Variants in SPOCK3 observed in about 807,000 individuals in gnomAD.
SPOCK3 encodes testican-3.
A neutral mutation model predicts 56.6 loss-of-function variants in SPOCK3; 30 were observed. The ratio of observed to expected loss-of-function variants is 0.53; its 90% CI spans 0.40 to 0.72. SPOCK3 has a LOEUF of 0.72. Among genes scored for constraint, SPOCK3 ranks in the 30% least tolerant of loss-of-function variants. The probability of loss-of-function intolerance (pLI) is 0.00; values close to 1 mark genes in which losing one functional copy is unlikely to be tolerated. For synonymous variants in SPOCK3, 196 were observed against 183.3 expected (o/e 1.07, Z -0.56); for missense variants, 527 against 530.0 (o/e 0.99, Z 0.06).
intron 2 of SPOCK3, among the ~76,000 whole-genome samples, chr4:167,082,442 A>G (rs1296375997): frequency 1.3e-5 from 2 of 152,024 alleles, no homozygotes; most frequent in South Asian, 2.1e-4. Flanking sequence ...GTTTGTAAAT[A>G]AAGTTGTGTT....
chr4:167,138,701 A>G (rs1763303685), intron 2 of SPOCK3, among the ~76,000 whole-genome samples: 1 of 151,978 alleles, frequency 6.6e-6, no homozygotes, highest in African/African-American at 2.4e-5. Flanking sequence ...CACTGATAAG[A>G]AAGAGTTGTC....
Position 167,188,429 on chromosome 4 carries a change from G to T in SPOCK3, c.189+45556C>A, listed in dbSNP as rs1447170727. Among the ~76,000 whole-genome samples, 3 of 145,666 alleles carry T rather than the reference G, an allele frequency of 2.1e-5. 1 individual carries two copies. In the East Asian group the frequency reaches 6.2e-4, roughly 30 times the overall value. On this transcript the variant is annotated intron_variant, in intron 2 of 10. Transcript: ENST00000357545. ...CTAGAAATAGCCCAGATACTGGAACGATAAGAAAAAAGGTCTTTAAAATTT... is the reference window on the plus strand; with the variant it reads ...CTAGAAATAGCCCAGATACTGGAACTATAAGAAAAAAGGTCTTTAAAATTT...
chr4:167,150,431 A>G (rs947169393), intron 2 of SPOCK3, among the ~76,000 whole-genome samples: 17 of 152,164 alleles, frequency 1.1e-4, no homozygotes, highest in African/African-American at 4.1e-4. Flanking sequence ...CTTACGTACA[A>G]CCAGGAAAGG....
chr4:167,074,054 T>TAAA (rs35446801), intron 2 of SPOCK3, among the ~76,000 whole-genome samples: 3 of 139,784 alleles, frequency 2.1e-5, no homozygotes, highest in African/African-American at 5.2e-5. Context: ...ACACACTTTC[T>TAAA]AAAAAAAAAA....
chr4:167,184,778 A>G (rs72699699), intron 2 of SPOCK3, among the ~76,000 whole-genome samples: 27,796 of 152,028 alleles, frequency 0.18, 2,741 homozygotes, highest in Admixed American at 0.26. Context: ...GAGACTCTGA[A>G]AGAATTAGCT....
At chr4:166,870,194 C>G (rs949909785) in intron 6 of SPOCK3, among the ~76,000 whole-genome samples, 1 of 152,050 alleles carries the variant, frequency 6.6e-6, no homozygotes, top group Admixed American at 6.6e-5. Context: ...CTGCTCTACT[C>G]CCATAAAAGA....
intron 5 of SPOCK3, among the ~76,000 whole-genome samples, chr4:166,905,402 T>C (rs1736500303): frequency 6.6e-6 from 1 of 152,008 alleles, no homozygotes; most frequent in South Asian, 2.1e-4. Flanking sequence ...ATATATGTGG[T>C]GTTAGTCCTT....
chr4:167,081,264 C>T (rs1215800722), intron 2 of SPOCK3, among the ~76,000 whole-genome samples: 1 of 151,976 alleles, frequency 6.6e-6, no homozygotes, highest in Non-Finnish European at 1.5e-5. Context: ...TGAATAATAT[C>T]ACCTTTGCTG....
intron 4 of SPOCK3, among the ~76,000 whole-genome samples, chr4:166,975,510 CA>C (rs1248075891): frequency 6.6e-6 from 1 of 152,078 alleles, no homozygotes; most frequent in Non-Finnish European, 1.5e-5. Context: ...TGTTACATTC[CA>C]GCTATAATTT....
At chr4:166,747,422 C>A (rs1735780095) in intron 8 of SPOCK3, among the ~76,000 whole-genome samples, 1 of 152,126 alleles carries the variant, frequency 6.6e-6, no homozygotes. Context: ...AGGCCTTTGA[C>A]AAAATTCAAC....
At chr4:166,883,447 G>T (rs958734399) in intron 6 of SPOCK3, among the ~76,000 whole-genome samples, 8 of 152,168 alleles carry the variant, frequency 5.3e-5, no homozygotes, top group African/African-American at 1.9e-4. Context: ...ATCAGTCTCA[G>T]ATGAGATATC....
intron 2 of SPOCK3, among the ~76,000 whole-genome samples, chr4:167,149,666 C>T (rs1211918832): frequency 6.6e-6 from 1 of 152,032 alleles, no homozygotes; most frequent in African/African-American, 2.4e-5. Flanking sequence ...ATTACTATTG[C>T]ATGACATTGC....
chr4:166,747,465 G>T (rs1429378614), intron 8 of SPOCK3, among the ~76,000 whole-genome samples: 1 of 152,072 alleles, frequency 6.6e-6, no homozygotes, highest in African/African-American at 2.4e-5. Context: ...CAATAAACTA[G>T]CTATTGATGG....
intron 4 of SPOCK3, among the ~76,000 whole-genome samples, chr4:166,950,378 A>G (rs566861925): frequency 7.5e-4 from 113 of 151,550 alleles, no homozygotes; most frequent in African/African-American, 2.5e-3. Context: ...TTCAACAAGA[A>G]GAGCTAACTA....
intron 3 of SPOCK3, among the ~76,000 whole-genome samples, chr4:167,041,412 T>C (rs1371780550): frequency 6.6e-6 from 1 of 152,166 alleles, no homozygotes; most frequent in Non-Finnish European, 1.5e-5. Context: ...CTACATGATA[T>C]CTTGAAAACC....
At chr4:167,187,820 T>C (rs924436613) in intron 2 of SPOCK3, among the ~76,000 whole-genome samples, 60 of 152,118 alleles carry the variant, frequency 3.9e-4, no homozygotes, top group African/African-American at 1.4e-3. Context: ...TCTGACACCA[T>C]TAATTACAGA....
chr4:166,848,709 C>T (rs1253733637), intron 6 of SPOCK3, among the ~76,000 whole-genome samples: 1 of 152,134 alleles, frequency 6.6e-6, no homozygotes, highest in Non-Finnish European at 1.5e-5. Flanking sequence ...GGCGCTTGTG[C>T]AGGTGATCAC....
At chr4:167,170,798 T>C (rs1215384511) in intron 2 of SPOCK3, among the ~76,000 whole-genome samples, 1 of 152,114 alleles carries the variant, frequency 6.6e-6, no homozygotes, top group Non-Finnish European at 1.5e-5. Flanking sequence ...TTTCAGAATG[T>C]GGAGGTGTTA....
At chr4:167,110,697 A>G (rs1455196100) in intron 2 of SPOCK3, among the ~76,000 whole-genome samples, 1 of 152,106 alleles carries the variant, frequency 6.6e-6, no homozygotes, top group African/African-American at 2.4e-5. Flanking sequence ...CATTTTATGG[A>G]TAAATGAATA....
Sources: allele counts gnomAD v4.1 joint callset (sites outside exome capture counted in the v4.1 genomes callset), GRCh38; gene constraint gnomAD v4.1.1; transcripts MANE v1.5; gene names NCBI Gene and HGNC (gene_info 2026-07-23, HGNC 2026-07-21).